The following FBXO17 variants were observed in gnomAD, a reference collection of about 807,000 sequenced individuals.
The protein encoded by FBXO17 is F-box only protein 17.
FBXO17 carries 43 observed loss-of-function variants against 34.1 expected under a neutral mutation model. The observed-to-expected ratio is 1.26, with a 90% CI of 0.99 to 1.62. The LOEUF (loss-of-function observed/expected upper bound fraction) is 1.62. FBXO17 is among the 40% of genes most tolerant of loss of function. The pLI is 0.00. For missense variants in FBXO17, 424 were observed against 386.7 expected (o/e 1.10, Z -0.81); for synonymous variants, 169 against 166.0 (o/e 1.02, Z -0.14).
At chr19:38,968,666 C>A (rs1363950907) in intron 1 of FBXO17, among the ~76,000 whole-genome samples, 1 of 151,980 alleles carries the variant, frequency 6.6e-6, no homozygotes, top group African/African-American at 2.4e-5. Flanking sequence ...TGTCTATTAG[C>A]TGATGAATGG....
chr19:38,971,347 T>C (rs1161247485), intron 1 of FBXO17, among the ~76,000 whole-genome samples: 1 of 151,996 alleles, frequency 6.6e-6, no homozygotes, highest in Non-Finnish European at 1.5e-5. Context: ...CATCAGAGAC[T>C]AGAAGAATGT....
chr19:38,970,347 AC>A (rs1975376492), intron 1 of FBXO17, among the ~76,000 whole-genome samples: 1 of 151,998 alleles, frequency 6.6e-6, no homozygotes, highest in South Asian at 2.1e-4. Flanking sequence ...ACCTGGGACC[AC>A]AGGCACACAC....
chr19:38,963,958 AT>A (rs1975287984), intron 1 of FBXO17, among the ~76,000 whole-genome samples: 1 of 151,704 alleles, frequency 6.6e-6, no homozygotes, highest in Non-Finnish European at 1.5e-5. Context: ...TAATTTTTGT[AT>A]TTTTAGTAGA....
intron 1 of FBXO17, among the ~76,000 whole-genome samples, chr19:38,954,895 T>TTTTTTATTATTA (rs1337953339): frequency 1.5e-5 from 2 of 134,230 alleles, no homozygotes; most frequent in African/African-American, 5.7e-5. Flanking sequence ...AATGTGTTAT[T>TTTTTTATTATTA]TTATTATTAT....
chr19:38,972,985 T>G (rs570111914), intron 1 of FBXO17, among the ~76,000 whole-genome samples: 8 of 152,286 alleles, frequency 5.3e-5, no homozygotes, highest in African/African-American at 1.7e-4. Flanking sequence ...CTCGAACTCC[T>G]CAGCCTCCCA....
At chr19:38,955,573 T>C (rs188155161) in intron 1 of FBXO17, among the ~76,000 whole-genome samples, 5 of 150,310 alleles carry the variant, frequency 3.3e-5, no homozygotes, top group African/African-American at 9.7e-5. Flanking sequence ...AACCTCTGGC[T>C]CCCAGGTTCA....
Position 38,942,539 on chromosome 19 carries a change from C to T in FBXO17, c.*69G>A, listed in dbSNP as rs1974904478. ...GGCCTCCTGAAGTGCTGGGATTCCACAGGTGTGAGCCACTGCACCTGGCTG... is the reference window on the plus strand; with the variant it reads ...GGCCTCCTGAAGTGCTGGGATTCCATAGGTGTGAGCCACTGCACCTGGCTG... On this transcript the variant is annotated 3_prime_UTR_variant, in exon 6 of 6. Transcript: ENST00000292852. 8 of 1,435,922 alleles carry T rather than the reference C, an allele frequency of 5.6e-6. No individual in the cohort carries two copies. Among genetic ancestry groups the T allele is most frequent in the East Asian group, 5.5e-5 (2 of 36,694 alleles). 88.9% of individuals were successfully genotyped at this position (1,435,922 alleles called of 1,614,324 possible).
At chr19:38,970,990 T>C (rs1975383509) in intron 1 of FBXO17, among the ~76,000 whole-genome samples, 1 of 151,340 alleles carries the variant, frequency 6.6e-6, no homozygotes, top group Non-Finnish European at 1.5e-5. Flanking sequence ...TCACAGCTAC[T>C]TGGGAGGCTG....
intron 5 of FBXO17, among the ~76,000 whole-genome samples, chr19:38,944,344 A>G (rs1393156998): frequency 6.6e-6 from 1 of 151,900 alleles, no homozygotes; most frequent in Non-Finnish European, 1.5e-5. Flanking sequence ...CTGGGCTCCA[A>G]CCATCCTCCC....
intron 1 of FBXO17, among the ~76,000 whole-genome samples, chr19:38,974,027 T>TACAC (rs1568447792): frequency 2.4e-5 from 3 of 125,592 alleles, no homozygotes; most frequent in African/African-American, 8.3e-5. Context: ...TGTATATATA[T>TACAC]ATATACATAT....
At chr19:38,953,566 C>G (rs143639860) in intron 1 of FBXO17, among the ~76,000 whole-genome samples, 2,140 of 151,930 alleles carry the variant, frequency 0.014, 59 homozygotes, top group African/African-American at 0.049. Context: ...GAGGCCAAGG[C>G]AGGAGAATTG....
intron 1 of FBXO17, among the ~76,000 whole-genome samples, chr19:38,963,532 A>C (rs1286324137): frequency 2.0e-5 from 3 of 152,010 alleles, no homozygotes; most frequent in African/African-American, 7.2e-5. Context: ...GGGCTCAGCG[A>C]TCTTCCCAGC....
intron 1 of FBXO17, among the ~76,000 whole-genome samples, chr19:38,953,380 G>T (rs1306379961): frequency 6.6e-6 from 1 of 150,972 alleles, no homozygotes; most frequent in Non-Finnish European, 1.5e-5. Flanking sequence ...GAGAGGGTTT[G>T]GGCTGGGCAC....
intron 1 of FBXO17, among the ~76,000 whole-genome samples, chr19:38,962,370 C>G (rs1975264474): frequency 6.6e-6 from 1 of 152,144 alleles, no homozygotes; most frequent in African/African-American, 2.4e-5. Context: ...GCTACTCCTG[C>G]AGCGAGCATG....
intron 1 of FBXO17, among the ~76,000 whole-genome samples, chr19:38,950,666 T>C (rs1975070098): frequency 1.3e-5 from 2 of 152,248 alleles, no homozygotes; most frequent in African/African-American, 4.8e-5. Context: ...TAAGGGGACT[T>C]TACCCATTCC....
Position 38,950,303 on chromosome 19 carries a change from G to T in FBXO17, c.17C>A (p.Ser6Ter). MGARL[S>*]RRRLPADPSL... ...TGGGTCCGCCGGCAGCCGTCGCCGCGATAGCCGGGCGCCCATCTCCAGTAG... is the reference window on the plus strand; with the variant it reads ...TGGGTCCGCCGGCAGCCGTCGCCGCTATAGCCGGGCGCCCATCTCCAGTAG... The change falls in exon 2 of 6, where the codon TCG becomes TAG. Residue 6 changes from serine to a stop codon, truncating the protein, a stop_gained. Coordinates refer to ENST00000292852, the MANE Select transcript of FBXO17 (RefSeq NM_024907.7). LOFTEE classifies it high-confidence loss of function. 3 of 1,433,726 alleles carry T rather than the reference G, an allele frequency of 2.1e-6. No homozygotes were observed. The highest frequency in any genetic ancestry group is 2.7e-6 in the Non-Finnish European group (3 of 1,102,862). 88.8% of individuals were successfully genotyped at this position (1,433,726 alleles called of 1,614,324 possible). A position where few individuals can be genotyped will look rare whatever the true frequency, so the allele number is the denominator to read the frequency against.
intron 1 of FBXO17, among the ~76,000 whole-genome samples, chr19:38,955,331 T>C (rs771344945): frequency 3.3e-5 from 5 of 152,010 alleles, no homozygotes; most frequent in Non-Finnish European, 5.9e-5. Flanking sequence ...CAGGCTCAAG[T>C]GATCCTCCCA....
intron 1 of FBXO17, among the ~76,000 whole-genome samples, chr19:38,958,305 G>C (rs1366979925): frequency 6.7e-6 from 1 of 149,728 alleles, no homozygotes; most frequent in Non-Finnish European, 1.5e-5. Flanking sequence ...AGCTACTTGG[G>C]AGACTAGTGG....
chr19:38,944,840 G>C (rs1294443063), intron 5 of FBXO17, 129 bp downstream of exon 5: 2 of 1,317,250 alleles, frequency 1.5e-6, no homozygotes, highest in Non-Finnish European at 1.0e-6. Context: ...ATGTAAGAAG[G>C]GCTCGATACT....
Sources: gnomAD v4.1 joint callset for allele counts (sites outside exome capture counted in the v4.1 genomes callset) on GRCh38, gnomAD v4.1.1 for gene constraint, MANE v1.5 for transcripts, NCBI Gene and HGNC (gene_info 2026-07-23, HGNC 2026-07-21) for gene names.